The following CCDC88A variants were observed in gnomAD, a reference collection of about 807,000 sequenced individuals.
The protein encoded by CCDC88A is girdin.
CCDC88A carries 54 observed loss-of-function variants against 234.3 expected under a neutral mutation model. That is an observed-to-expected ratio of 0.23 (90% CI 0.19 to 0.29). The LOEUF is 0.29. Among genes scored for constraint, CCDC88A ranks in the 10% least tolerant of loss-of-function variants. The pLI, the probability that CCDC88A is intolerant of heterozygous loss-of-function variation, is 1.00. For synonymous variants in CCDC88A, 753 were observed against 737.8 expected (o/e 1.02, Z -0.33); for missense variants, 1,832 against 2,123.4 (o/e 0.86, Z 2.70).
At chr2:55,383,737 G>A (rs1018947463) in intron 3 of CCDC88A, among the ~76,000 whole-genome samples, 1 of 151,776 alleles carries the variant, frequency 6.6e-6, no homozygotes, top group Non-Finnish European at 1.5e-5. Context: ...TTCTACAGTC[G>A]TTCCCCAAAA....
chr2:55,372,602 G>C (rs1673007859), intron 4 of CCDC88A, 92 bp from the exon 5 acceptor site: 2 of 625,866 alleles, frequency 3.2e-6, no homozygotes, highest in Non-Finnish European at 5.7e-6. Flanking sequence ...ATTATGCACA[G>C]TAACTTGAGT....
chr2:55,409,738 CTTTTT>C (rs61703330), intron 2 of CCDC88A, among the ~76,000 whole-genome samples: 5 of 111,734 alleles, frequency 4.5e-5, no homozygotes, highest in South Asian at 2.9e-4. Context: ...ATATACCTCC[CTTTTT>C]TTTTTTTTTT....
chr2:55,334,360 C>G lies in CCDC88A; in HGVS notation c.2461G>C (p.Glu821Gln). Reference protein sequence around the residue: ...EQLEKENKSLEQETSQLEKDK... With the variant: ...EQLEKENKSLQQETSQLEKDK... The stretch of plus-strand genomic sequence containing the variant: ...TTTTCCAGTTGAGAAGTCTCTTGCT[C>G]TAATGATTTATTTTCTTTTTCCAGC... Residue 821 changes from glutamate to glutamine, a missense_variant, in exon 15 of 33, where the codon GAG (glutamate) becomes CAG (glutamine). This residue lies in a region of CCDC88A where 1,282 missense variants were observed against 1,543.6 expected (regional missense o/e 0.83). Transcript: ENST00000436346. The surrounding 1 kb of genome is among the most constrained non-coding windows in gnomAD (Gnocchi z 6.1). 1 of 1,560,738 alleles carries G rather than the reference C, an allele frequency of 6.4e-7. No individual in the cohort carries two copies.
chr2:55,412,508 G>C (rs987815525), intron 2 of CCDC88A, among the ~76,000 whole-genome samples: 1 of 152,130 alleles, frequency 6.6e-6, no homozygotes, highest in Non-Finnish European at 1.5e-5. Flanking sequence ...GATTCTCACA[G>C]GACCACAAAC....
At chr2:55,292,479 T>G (rs1045457136) in intron 31 of CCDC88A, 1 of 152,172 alleles carries the variant, frequency 6.6e-6, no homozygotes, top group Admixed American at 6.5e-5. Context: ...TTACAGAAAG[T>G]ATTGTTTTTT....
intron 3 of CCDC88A, among the ~76,000 whole-genome samples, chr2:55,387,252 G>C (rs972398810): frequency 1.3e-5 from 2 of 149,484 alleles, no homozygotes; most frequent in African/African-American, 4.9e-5. Flanking sequence ...TAATTTGTAG[G>C]GTAAAGAAAA....
chr2:55,327,770 GA>G (rs1684450891), intron 17 of CCDC88A, among the ~76,000 whole-genome samples: 1 of 152,158 alleles, frequency 6.6e-6, no homozygotes, highest in Non-Finnish European at 1.5e-5. Flanking sequence ...CTTCCTTAGG[GA>G]AAATAAACAG....
In CCDC88A at chr2:55,334,269, G is replaced by A. The variant is rs770009131; in HGVS notation, c.2552C>T (p.Thr851Ile). ...AATCTTCACATTATTTTCTTCTAAT[G>A]TGGTATCTTTAATTTCTGCTTGTTG... The part of the protein sequence containing the change: ...LRQQAEIKDT[T>I]LEENNVKIGN... Residue 851 changes from threonine (T) to isoleucine (I), a missense_variant, in exon 15 of 33, where the codon ACA (threonine) becomes ATA (isoleucine). Thr to Ile is a moderately conservative substitution (Grantham distance 89). Transcript: ENST00000436346. The surrounding 1 kb of genome is among the most constrained non-coding windows in gnomAD (Gnocchi z 6.1). The A allele has an allele frequency of 6.9e-7, 1 of 1,452,116 alleles. No individual in the cohort carries two copies. The highest frequency in any genetic ancestry group is 9.0e-7 in the Non-Finnish European group (1 of 1,106,152). The allele number at this position is 1,452,116 out of a possible 1,614,324, so 90.0% of individuals were successfully genotyped here.
chr2:55,407,852 G>T (rs1679859268), intron 2 of CCDC88A, among the ~76,000 whole-genome samples: 1 of 150,558 alleles, frequency 6.6e-6, no homozygotes, highest in African/African-American at 2.4e-5. Context: ...CGTGTAGCTG[G>T]GATTACAGGC....
chr2:55,374,746 A>T (rs1020892447), intron 4 of CCDC88A, 68 bp downstream of exon 4: 3 of 957,418 alleles, frequency 3.1e-6, no homozygotes, highest in Non-Finnish European at 4.9e-6. Flanking sequence ...AGCTCTTAGT[A>T]AAAAATAAAC....
intron 5 of CCDC88A, among the ~76,000 whole-genome samples, chr2:55,369,659 T>C (rs949845292): frequency 2.6e-5 from 4 of 152,066 alleles, no homozygotes; most frequent in African/African-American, 9.7e-5. Flanking sequence ...CGTTTTACCA[T>C]GTAGCCAGAC....
chr2:55,406,292 A>T (rs909984469), intron 2 of CCDC88A: 1 of 152,224 alleles, frequency 6.6e-6, no homozygotes, highest in Non-Finnish European at 1.5e-5. Context: ...ACCTTCAAAT[A>T]TGAGAAAACT....
At chr2:55,351,866 A>G (rs1159412507) in intron 8 of CCDC88A, among the ~76,000 whole-genome samples, 1 of 152,176 alleles carries the variant, frequency 6.6e-6, no homozygotes, top group Admixed American at 6.5e-5. Context: ...CGGTATATCC[A>G]TTCAGTGGAA....
At chr2:55,312,152 T>A (rs1182455828) in intron 23 of CCDC88A, among the ~76,000 whole-genome samples, 1 of 152,178 alleles carries the variant, frequency 6.6e-6, no homozygotes, top group Admixed American at 6.5e-5. Flanking sequence ...CCCCTATATG[T>A]GCTATATTTC....
At chr2:55,384,630 T>TATGTGTATATACACATATATAC (rs1378861686) in intron 3 of CCDC88A, among the ~76,000 whole-genome samples, 3 of 29,108 alleles carry the variant, frequency 1.0e-4, no homozygotes, top group Non-Finnish European at 1.7e-4. Context: ...CGTATATATA[T>TATGTGTATATACACATATATAC]GTATATATGT....
At chr2:55,336,867 T>C in intron 13 of CCDC88A, 49 bp from the exon 14 acceptor site, 1 of 1,222,864 alleles carries the variant, frequency 8.2e-7, no homozygotes, top group Non-Finnish European at 1.2e-6. Context: ...TCTGTAACAG[T>C]GAAAACATGT....
At chr2:55,301,831 C>T in intron 27 of CCDC88A, 41 bp downstream of exon 27, 1 of 1,540,322 alleles carries the variant, frequency 6.5e-7, no homozygotes, top group Non-Finnish European at 8.9e-7. Context: ...ATTCTTGTTG[C>T]CAACAATTAC....
intron 31 of CCDC88A, chr2:55,294,838 C>A (rs1679832264): frequency 1.9e-6 from 2 of 1,041,230 alleles, no homozygotes; most frequent in Admixed American, 1.0e-4. Flanking sequence ...TTTTTAAAGG[C>A]ATGCAGAAAA....
rs549112735 is a variant in CCDC88A at position 55,383,787 on chromosome 2, G to T, written c.273+4991C>A. On this transcript the variant is annotated intron_variant, in intron 3 of 32. Transcript: ENST00000436346. The stretch of plus-strand genomic sequence containing the variant: ...GAGAAGGTAATTTAAGGGCTGATGA[G>T]AATTCCATTGATTTGGAAAATATTA... Among the ~76,000 whole-genome samples, 18 of 152,176 alleles carry T rather than the reference G, an allele frequency of 1.2e-4. No homozygotes were observed. The East Asian group carries it at 3.5e-3, about 29-fold the overall frequency.
Sources: allele counts gnomAD v4.1 joint callset (sites outside exome capture counted in the v4.1 genomes callset), GRCh38; gene constraint gnomAD v4.1.1; regional missense constraint gnomAD v4.1.1; non-coding constraint Gnocchi (gnomAD v3.1); transcripts MANE v1.5; gene names NCBI Gene and HGNC (gene_info 2026-07-23, HGNC 2026-07-21).